The following B3GALT1 variants were observed in gnomAD, a reference collection of about 807,000 sequenced individuals.
B3GALT1 encodes UDP-Gal:betaGlcNAc beta 1,3-galactosyltransferase, polypeptide 1.
B3GALT1 carries 10 observed loss-of-function variants against 23.2 expected under a neutral mutation model. That is an observed-to-expected ratio of 0.43 (90% CI 0.27 to 0.73). The LOEUF (loss-of-function observed/expected upper bound fraction) is 0.73. Ranked by LOEUF, B3GALT1 falls within the 30% of genes least tolerant of loss-of-function variation. B3GALT1 has a pLI of 0.21. For synonymous variants in B3GALT1, 156 were observed against 141.5 expected (o/e 1.10, Z -0.73); for missense variants, 299 against 405.4 (o/e 0.74, Z 2.25).
chr2:167,402,943 G>A (rs936074728), intron 1 of B3GALT1, among the ~76,000 whole-genome samples: 1 of 152,046 alleles, frequency 6.6e-6, no homozygotes, highest in African/African-American at 2.4e-5. Flanking sequence ...ATAATAGGAG[G>A]ACACTCCCAT....
intron 3 of B3GALT1, among the ~76,000 whole-genome samples, chr2:167,803,695 C>G (rs1574270349): frequency 6.6e-6 from 1 of 152,234 alleles, no homozygotes; most frequent in East Asian, 1.9e-4. Context: ...TCACTGGCTT[C>G]CTGAGCAAAA....
At chr2:167,603,733 ATCT>A (rs748893261) in intron 2 of B3GALT1, among the ~76,000 whole-genome samples, 7 of 152,178 alleles carry the variant, frequency 4.6e-5, no homozygotes, top group Non-Finnish European at 8.8e-5. Flanking sequence ...CTCAAATCAC[ATCT>A]TCTTTCCCTT....
At chr2:167,633,011 A>G (rs976408356) in intron 2 of B3GALT1, among the ~76,000 whole-genome samples, 1 of 152,030 alleles carries the variant, frequency 6.6e-6, no homozygotes, top group African/African-American at 2.4e-5. Flanking sequence ...AGTTTTCTGC[A>G]TATGGCTAGC....
chr2:167,461,011 C>A (rs558086444), intron 1 of B3GALT1, among the ~76,000 whole-genome samples: 16 of 152,176 alleles, frequency 1.1e-4, no homozygotes, highest in Non-Finnish European at 2.2e-4. Context: ...GGTCAGTGGT[C>A]GTTTAATTCC....
At chr2:167,599,593 C>T (rs1479548319) in intron 2 of B3GALT1, among the ~76,000 whole-genome samples, 3 of 152,178 alleles carry the variant, frequency 2.0e-5, no homozygotes, top group Admixed American at 2.0e-4. Context: ...TCCCATATGT[C>T]ATAAGAATAT....
chr2:167,794,283 G>A (rs915494140), intron 3 of B3GALT1, among the ~76,000 whole-genome samples: 6 of 152,178 alleles, frequency 3.9e-5, no homozygotes, highest in Admixed American at 6.5e-5. Context: ...TGAGCCTAAT[G>A]AATGTATGTT....
chr2:167,456,994 A>T (rs1338993695), intron 1 of B3GALT1, among the ~76,000 whole-genome samples: 1 of 152,102 alleles, frequency 6.6e-6, no homozygotes, highest in Non-Finnish European at 1.5e-5. Context: ...TGGCAACCAG[A>T]TCCAATCCTG....
At chr2:167,535,545 G>A (rs1267577136) in intron 2 of B3GALT1, among the ~76,000 whole-genome samples, 1 of 151,682 alleles carries the variant, frequency 6.6e-6, no homozygotes, top group Non-Finnish European at 1.5e-5. Context: ...AGGCAGCTCA[G>A]TCTTTTAAAT....
At chr2:167,451,232 G>A (rs1699086378) in intron 1 of B3GALT1, among the ~76,000 whole-genome samples, 1 of 151,986 alleles carries the variant, frequency 6.6e-6, no homozygotes. Flanking sequence ...TCCATTGCTG[G>A]TGAGCTAGTG....
At chr2:167,349,468 A>G (rs1029742491) in intron 1 of B3GALT1, among the ~76,000 whole-genome samples, 9 of 152,346 alleles carry the variant, frequency 5.9e-5, no homozygotes, top group South Asian at 2.1e-4. Flanking sequence ...TGCTTCCTTT[A>G]TATGAAAAAG....
intron 4 of B3GALT1, among the ~76,000 whole-genome samples, chr2:167,855,836 C>T (rs1689990930): frequency 6.6e-6 from 1 of 152,042 alleles, no homozygotes; most frequent in Non-Finnish European, 1.5e-5. Flanking sequence ...AAATTATGTA[C>T]TAAGGGAAAG....
At chr2:167,776,241 C>T (rs544457179) in intron 3 of B3GALT1, among the ~76,000 whole-genome samples, 3 of 152,062 alleles carry the variant, frequency 2.0e-5, no homozygotes, top group African/African-American at 2.4e-5. Flanking sequence ...CAGGGGACTC[C>T]GGACATGTAA....
intron 3 of B3GALT1, among the ~76,000 whole-genome samples, chr2:167,809,581 A>G (rs61291391): frequency 0.033 from 5,035 of 152,306 alleles, 123 homozygotes; most frequent in South Asian, 0.068. Flanking sequence ...TATCAGCAGC[A>G]GAGGCTGCAG....
chr2:167,754,287 T>C (rs1687781877), intron 3 of B3GALT1, among the ~76,000 whole-genome samples: 2 of 152,174 alleles, frequency 1.3e-5, no homozygotes, highest in Admixed American at 1.3e-4. Flanking sequence ...AAGTGAAAGT[T>C]TTCATGACTC....
At chr2:167,819,097 T>TAA (rs58827239) in intron 4 of B3GALT1, among the ~76,000 whole-genome samples, 4,300 of 152,304 alleles carry the variant, frequency 0.028, 200 homozygotes, top group African/African-American at 0.098. Context: ...ACTCATAGCT[T>TAA]AAAAGAGTGT....
At chr2:167,836,477 A>C (rs1014911948) in intron 4 of B3GALT1, among the ~76,000 whole-genome samples, 5 of 152,198 alleles carry the variant, frequency 3.3e-5, no homozygotes, top group Non-Finnish European at 2.9e-5. Context: ...AGTTTAGAGA[A>C]AAAAGAATAA....
At chr2:167,566,007 A>G (rs1684156549) in intron 2 of B3GALT1, among the ~76,000 whole-genome samples, 3 of 152,098 alleles carry the variant, frequency 2.0e-5, no homozygotes, top group Non-Finnish European at 4.4e-5. Flanking sequence ...CTGGGTATAT[A>G]CCCAAAGGAC....
At chr2:167,347,829 CTTACTTTT>C (rs1055897722) in intron 1 of B3GALT1, among the ~76,000 whole-genome samples, 2 of 152,144 alleles carry the variant, frequency 1.3e-5, no homozygotes, top group African/African-American at 4.8e-5. Flanking sequence ...AAACAATTCA[CTTACTTTT>C]TAACCTGGAA....
At chr2:167,597,179 A>G (rs893256433) in intron 2 of B3GALT1, among the ~76,000 whole-genome samples, 7 of 148,848 alleles carry the variant, frequency 4.7e-5, no homozygotes, top group Non-Finnish European at 8.9e-5. Context: ...GCAGTGGCGG[A>G]ATCTCAGCTC....
Sources: gnomAD v4.1 joint callset for allele counts (sites outside exome capture counted in the v4.1 genomes callset) on GRCh38, gnomAD v4.1.1 for gene constraint, MANE v1.5 for transcripts, NCBI Gene and HGNC (gene_info 2026-07-23, HGNC 2026-07-21) for gene names.